The following DYNC1H1 variants were observed in gnomAD, a reference collection of about 807,000 sequenced individuals.
DYNC1H1 encodes the protein cytoplasmic dynein 1 heavy chain 1.
In DYNC1H1, 51 loss-of-function variants were observed where a neutral mutation model predicts 527.1. The ratio of observed to expected loss-of-function variants is 0.10; its 90% CI spans 0.08 to 0.12. DYNC1H1 has a LOEUF of 0.12. DYNC1H1 is among the 10% of genes least tolerant of loss of function. The pLI is 1.00. For missense variants in DYNC1H1, 2,771 were observed against 5,971.8 expected, an observed-to-expected ratio of 0.46 and a Z score of 17.66; for synonymous variants, 2,189 against 2,278.8, an observed-to-expected ratio of 0.96 and a Z score of 1.12.
intron 43 of DYNC1H1, among the ~76,000 whole-genome samples, chr14:102,024,439 G>A (rs2048425303): frequency 6.6e-6 from 1 of 152,140 alleles, no homozygotes; most frequent in Admixed American, 6.5e-5. Context: ...AGAGATTTCT[G>A]GGAGAATGAC....
In DYNC1H1 at chr14:102,036,782, A is replaced by T; in HGVS notation, c.10908+140A>T. The T allele has an allele frequency of 8.9e-7, 1 of 1,126,620 alleles. No homozygotes were observed. Among genetic ancestry groups the T allele is most frequent in the Non-Finnish European group, 1.3e-6 (1 of 756,252 alleles). The allele number at this position is 1,126,620 out of a possible 1,614,324, so 69.8% of individuals were successfully genotyped here. A position where few individuals can be genotyped will look rare whatever the true frequency, so the allele number is the denominator to read the frequency against. On this transcript the variant is annotated intron_variant, in intron 57 of 77. Coordinates refer to ENST00000360184, the MANE Select transcript of DYNC1H1 (RefSeq NM_001376.5). This position sits in a 1 kb window ranked among gnomAD's most constrained non-coding sequence, Gnocchi z 5.6. ...CTTTGCGGTGGTTCTGTAATAGATA[A>T]ATTCAACAGAATCATTATTTGCATT...
intron 2 of DYNC1H1, among the ~76,000 whole-genome samples, chr14:101,977,950 A>G (rs546405417): frequency 1.5e-4 from 23 of 152,270 alleles, no homozygotes; most frequent in African/African-American, 5.3e-4. Flanking sequence ...GCAGTGGGGC[A>G]ATCTTAGCTC....
chr14:102,038,296 T>A lies in DYNC1H1; in HGVS notation c.10909-164T>A. ...ATCTGGCTGAGTTTTTAATTTTAGT[T>A]CATTTAAATGTAAGTAGCCACACAT... On this transcript the variant is annotated intron_variant, in intron 57 of 77. Coordinates refer to ENST00000360184, the MANE Select transcript of DYNC1H1 (RefSeq NM_001376.5). This position sits in a 1 kb window ranked among gnomAD's most constrained non-coding sequence, Gnocchi z 7.2. The A allele has an allele frequency of 8.3e-7, 1 of 1,201,528 alleles. No homozygotes were observed. Among genetic ancestry groups the A allele is most frequent in the Non-Finnish European group, 1.2e-6 (1 of 845,762 alleles). 74.4% of individuals were successfully genotyped at this position (1,201,528 alleles called of 1,614,324 possible).
Position 102,050,858 on chromosome 14 carries a change from C to T in DYNC1H1, c.*295C>T. On this transcript the variant is annotated 3_prime_UTR_variant, in exon 78 of 78. Transcript: ENST00000360184. ...ACAGAGCCTTGCCTTCCATGCTGCC[C>T]AGGGAGGGCAGCCCACGGCAGCCAT... The T allele has an allele frequency of 2.4e-6, 1 of 411,274 alleles. No individual in the cohort carries two copies. Among genetic ancestry groups the T allele is most frequent in the Non-Finnish European group, 4.5e-6 (1 of 220,032 alleles). 25.5% of individuals were successfully genotyped at this position (411,274 alleles called of 1,614,324 possible).
At chr14:101,991,746 TG>T in intron 11 of DYNC1H1, 73 bp downstream of exon 11, 1 of 1,590,506 alleles carries the variant, frequency 6.3e-7, no homozygotes. Flanking sequence ...CACTTCTTCA[TG>T]GTGCTTCTTT....
At chr14:102,021,999 G>T (rs541006813) in intron 42 of DYNC1H1, among the ~76,000 whole-genome samples, 1 of 152,144 alleles carries the variant, frequency 6.6e-6, no homozygotes, top group African/African-American at 2.4e-5. Flanking sequence ...AGCTGGGCAT[G>T]GTAGCATATG....
chr14:102,014,993 G>C lies in DYNC1H1; in HGVS notation c.7015-112G>C, dbSNP rs1257700881. 7 of 1,289,000 alleles carry C rather than the reference G, an allele frequency of 5.4e-6. No homozygotes were observed. The East Asian group carries it at 9.7e-5, about 18-fold the overall frequency. The allele number at this position is 1,289,000 out of a possible 1,614,324, so 79.8% of individuals were successfully genotyped here. On this transcript the variant is annotated intron_variant, in intron 34 of 77. Transcript: ENST00000360184. ...ACCATGCCTGGCTACTTTCTGTATA[G>C]GAAAATTAAGTTTAAAGTCACCCTT...
intron 1 of DYNC1H1, among the ~76,000 whole-genome samples, chr14:101,969,195 T>C (rs1402960476): frequency 6.6e-6 from 1 of 151,702 alleles, no homozygotes; most frequent in African/African-American, 2.4e-5. Flanking sequence ...TTTTTTTTTT[T>C]TTTTTTAGTA....
In DYNC1H1 at chr14:101,984,401, A is replaced by ATGTGTGTGTG. The variant is rs34162363; in HGVS notation, c.1461+814_1461+823dup. 1.7e-3 allele frequency among the ~76,000 whole-genome samples: 170 copies of ATGTGTGTGTG among 102,406 alleles called. 1 individual carries two copies. The highest frequency in any genetic ancestry group is 7.1e-3 in the African/African-American group (153 of 21,496). The allele number at this position is 102,406 out of a possible 152,430, so 67.2% of individuals were successfully genotyped here. ...TGTGTGTATATATATATGCGTATAT[A>ATGTGTGTGTG]TGTGTGTGTGTGTGTGTGTGTGTGT... On this transcript the variant is annotated intron_variant, in intron 7 of 77. Transcript: ENST00000360184.
Position 102,033,428 on chromosome 14 carries a change from G to A in DYNC1H1, c.10357G>A (p.Val3453Ile), listed in dbSNP as rs778115137. The change falls in exon 54 of 78, where the codon GTC (valine) becomes ATC (isoleucine). Residue 3453 changes from valine (V) to isoleucine (I), a missense_variant. Around this residue, in one of 32 missense-constraint regions of DYNC1H1, gnomAD observed 283 missense variants for 737.6 expected, o/e 0.38. Coordinates refer to ENST00000360184, the MANE Select transcript of DYNC1H1 (RefSeq NM_001376.5). This position sits in a 1 kb window ranked among gnomAD's most constrained non-coding sequence, Gnocchi z 5.6. Reference protein sequence around the residue: ...SIARYKEEYAVLISEAQAIKA... With the variant: ...SIARYKEEYAILISEAQAIKA... The stretch of plus-strand genomic sequence containing the variant: ...CGCCCGCTACAAGGAGGAATACGCC[G>A]TCCTGATCTCAGAGGCCCAGGCCAT... The A allele has an allele frequency of 2.0e-5, 33 of 1,614,054 alleles. No individual in the cohort carries two copies. Among genetic ancestry groups the A allele is most frequent in the African/African-American group, 2.7e-5 (2 of 74,910 alleles).
Position 102,028,092 on chromosome 14 carries a change from G to A in DYNC1H1, c.9419G>A (p.Arg3140Gln), listed in dbSNP as rs1215170600. 1 of 1,614,122 alleles carries A rather than the reference G, an allele frequency of 6.2e-7. No individual in the cohort carries two copies. The change falls in exon 48 of 78, where the codon CGG becomes CAG. Residue 3140 changes from arginine to glutamine, a missense_variant. Coordinates refer to ENST00000360184, the MANE Select transcript of DYNC1H1 (RefSeq NM_001376.5). ...YDKLPQPPSH[R>Q]EAIVNSCVFV... ...AAGCTGCCGCAGCCACCATCCCATC[G>A]GGAAGCCATTGTGAACAGCTGTGTG...
At chr14:102,014,545 A>AC (rs2048297842) in intron 34 of DYNC1H1, among the ~76,000 whole-genome samples, 2 of 151,532 alleles carry the variant, frequency 1.3e-5, no homozygotes, top group South Asian at 4.2e-4. Context: ...AAAAAAAAAA[A>AC]CACCAGAGAC....
chr14:102,007,417 G>A (rs2048209257), intron 28 of DYNC1H1, among the ~76,000 whole-genome samples: 1 of 152,134 alleles, frequency 6.6e-6, no homozygotes, highest in African/African-American at 2.4e-5. Flanking sequence ...TATGGAAGAG[G>A]TTTATCTTTA....
At chr14:101,994,642 A>C (rs370574250) in intron 12 of DYNC1H1, 31 bp from the exon 13 acceptor site, 1 of 1,613,064 alleles carries the variant, frequency 6.2e-7, no homozygotes, top group Non-Finnish European at 8.5e-7. Flanking sequence ...GAAAACTCAA[A>C]CTATTATTTA....
chr14:102,034,892 C>T (rs1466905032), intron 56 of DYNC1H1: 3 of 261,874 alleles, frequency 1.1e-5, no homozygotes, highest in East Asian at 9.5e-5. Context: ...CGCCACTGCA[C>T]CCCAGCCTGG....
chr14:102,032,263 GC>G lies in DYNC1H1; in HGVS notation c.9884-7del. 2.5e-6 allele frequency: 4 copies of G among 1,613,424 alleles called. No homozygotes were observed. The highest frequency in any genetic ancestry group is 3.4e-6 in the Non-Finnish European group (4 of 1,180,018). On this transcript the variant is annotated splice_polypyrimidine_tract_variant and splice_region_variant and intron_variant, in intron 51 of 77. Coordinates refer to ENST00000360184, the MANE Select transcript of DYNC1H1 (RefSeq NM_001376.5). ...CCATCGACCCTCATCCACTCCTGCT[GC>G]CACTCAGCTGTGAAGTCGATCAAGA...
intron 2 of DYNC1H1, among the ~76,000 whole-genome samples, chr14:101,978,298 A>G (rs539448537): frequency 6.6e-5 from 10 of 152,174 alleles, no homozygotes; most frequent in East Asian, 1.9e-4. Context: ...CGGCCTCCCA[A>G]AGTGCTGGGA....
At chr14:102,004,492 C>T in intron 23 of DYNC1H1, 26 bp from the exon 24 acceptor site, 4 of 1,596,060 alleles carry the variant, frequency 2.5e-6, no homozygotes, top group Middle Eastern at 1.7e-4. Flanking sequence ...AATATTTTTG[C>T]AACTTGAGTG....
rs755411424 is a variant in DYNC1H1 at position 102,026,639 on chromosome 14, T to C, written c.8703T>C (p.Tyr2901=). ...DYVKARLKVF[Y]EEELDVPLVL... is the part of the protein sequence containing the mutation. ...TCAAAGCTAGGCTGAAGGTCTTTTA[T>C]GAAGAAGAACTTGATGTTCCGCTGG... Residue 2901 remains tyrosine (Y), a synonymous_variant, in exon 44 of 78, where the codon TAT becomes TAC. Transcript: ENST00000360184. 18 of 1,614,110 alleles carry C rather than the reference T, an allele frequency of 1.1e-5. No individual in the cohort carries two copies. Among genetic ancestry groups the C allele is most frequent in the African/African-American group, 6.7e-5 (5 of 74,946 alleles).
Sources: allele counts gnomAD v4.1 joint callset (sites outside exome capture counted in the v4.1 genomes callset), GRCh38; gene constraint gnomAD v4.1.1; regional missense constraint gnomAD v4.1.1; non-coding constraint Gnocchi (gnomAD v3.1); transcripts MANE v1.5; gene names NCBI Gene and HGNC (gene_info 2026-07-23, HGNC 2026-07-21).